The following RBFOX3 variants were observed in gnomAD, a reference collection of about 807,000 sequenced individuals.
RBFOX3 encodes the protein RNA binding fox-1 homolog 3, also known as RNA binding protein fox-1 homolog 3.
RBFOX3 carries 17 observed loss-of-function variants against 48.7 expected under a neutral mutation model. The ratio of observed to expected loss-of-function variants is 0.35; its 90% CI spans 0.24 to 0.52. RBFOX3 has a LOEUF of 0.52. Among genes scored for constraint, RBFOX3 ranks in the 20% least tolerant of loss-of-function variants. The pLI, the probability that RBFOX3 is intolerant of heterozygous loss-of-function variation, is 0.94. For missense variants in RBFOX3, 382 were observed against 497.5 expected, an observed-to-expected ratio of 0.77 and a Z score of 2.21; for synonymous variants, 212 against 209.5, an observed-to-expected ratio of 1.01 and a Z score of -0.10.
the RBFOX3 span, among the ~76,000 whole-genome samples, chr17:79,651,786 C>T: frequency 1.4e-5 from 2 of 142,702 alleles, no homozygotes; most frequent in African/African-American, 5.2e-5. Flanking sequence ...CCTGTCCATC[C>T]TTCTCCCTCT....
In RBFOX3 at chr17:79,194,753, GGTGTGTGTGT is replaced by G. The variant is rs56182116; in HGVS notation, c.-34+41003_-34+41012del. Among the ~76,000 whole-genome samples the G allele has an allele frequency of 7.3e-3, 1,089 of 149,108 alleles. 14 individuals are homozygous for G. The highest frequency in any genetic ancestry group is 0.025 in the African/African-American group (996 of 40,320). On this transcript the variant is annotated intron_variant, in intron 4 of 14. Transcript: ENST00000693108. ...AATTGAGACACTCCCTGTGTGTGTG[GGTGTGTGTGT>G]GTGTGTGTGTGTGTGTGAAATGCAC...
the RBFOX3 span, among the ~76,000 whole-genome samples, chr17:79,633,320 GT>G: frequency 6.6e-6 from 1 of 152,268 alleles, no homozygotes; most frequent in Admixed American, 6.5e-5. Flanking sequence ...GCCACTGTCA[GT>G]GCCAGCGGGC....
At chr17:79,433,386 G>C (rs1367653757) in intron 2 of RBFOX3, among the ~76,000 whole-genome samples, 1 of 152,190 alleles carries the variant, frequency 6.6e-6, no homozygotes, top group Admixed American at 6.5e-5. Context: ...AGGGGGCACT[G>C]TTCCCACTTC....
chr17:79,200,321 C>T (rs1470864353), intron 4 of RBFOX3, among the ~76,000 whole-genome samples: 1 of 152,248 alleles, frequency 6.6e-6, no homozygotes, highest in Non-Finnish European at 1.5e-5. Flanking sequence ...CAGCCACTCC[C>T]AGGGAGTCAG....
chr17:79,505,889 G>A (rs1443514175), intron 1 of RBFOX3, among the ~76,000 whole-genome samples: 1 of 152,206 alleles, frequency 6.6e-6, no homozygotes, highest in Non-Finnish European at 1.5e-5. Flanking sequence ...GGCAACCAAG[G>A]TGGGGTCTGG....
intron 2 of RBFOX3, among the ~76,000 whole-genome samples, chr17:79,399,904 G>A (rs936239693): frequency 2.6e-5 from 4 of 152,196 alleles, no homozygotes; most frequent in African/African-American, 9.7e-5. Flanking sequence ...TCTAACTCCC[G>A]CTCTGGAATC....
At chr17:79,635,717 A>C in the RBFOX3 span, among the ~76,000 whole-genome samples, 1 of 152,248 alleles carries the variant, frequency 6.6e-6, no homozygotes, top group Non-Finnish European at 1.5e-5. Context: ...GATTTCCTTC[A>C]TAAACAAAAA....
At chr17:79,519,645 C>G (rs2085769041) in intron 1 of RBFOX3, among the ~76,000 whole-genome samples, 1 of 152,242 alleles carries the variant, frequency 6.6e-6, no homozygotes, top group African/African-American at 2.4e-5. Context: ...GAGGTCACCC[C>G]TAAGCCCTTG....
intron 4 of RBFOX3, among the ~76,000 whole-genome samples, chr17:79,153,982 A>C (rs1015975034): frequency 1.3e-5 from 2 of 152,146 alleles, no homozygotes; most frequent in Non-Finnish European, 2.9e-5. Context: ...CTCCCACGGC[A>C]GCCAGGGAGA....
At chr17:79,123,713 C>T (rs2147244675) in intron 4 of RBFOX3, among the ~76,000 whole-genome samples, 1 of 152,302 alleles carries the variant, frequency 6.6e-6, no homozygotes, top group South Asian at 2.1e-4. Flanking sequence ...AGATGTCAGC[C>T]TTGCTCTGCA....
At chr17:79,306,254 G>T (rs1001419047) in intron 3 of RBFOX3, among the ~76,000 whole-genome samples, 1 of 152,242 alleles carries the variant, frequency 6.6e-6, no homozygotes, top group African/African-American at 2.4e-5. Flanking sequence ...CGGCAATGGC[G>T]GAAAATAAAC....
chr17:79,168,553 C>G (rs2048490894), intron 4 of RBFOX3, among the ~76,000 whole-genome samples: 1 of 152,174 alleles, frequency 6.6e-6, no homozygotes, highest in African/African-American at 2.4e-5. Context: ...CAGGAGGTGT[C>G]CTCACCCCCA....
At chr17:79,119,274 T>A (rs752309883) in intron 4 of RBFOX3, among the ~76,000 whole-genome samples, 8 of 152,114 alleles carry the variant, frequency 5.3e-5, no homozygotes, top group Non-Finnish European at 1.0e-4. Flanking sequence ...GATGGGGACA[T>A]TTTAGGGACA....
chr17:79,336,443 T>C, intron 2 of RBFOX3, among the ~76,000 whole-genome samples: 1 of 150,968 alleles, frequency 6.6e-6, no homozygotes, highest in Admixed American at 6.6e-5. Flanking sequence ...AAAAAATAAA[T>C]CCCACTGTTC....
intron 2 of RBFOX3, among the ~76,000 whole-genome samples, chr17:79,324,770 C>T (rs536114581): frequency 2.1e-4 from 32 of 152,212 alleles, no homozygotes; most frequent in African/African-American, 7.0e-4. Flanking sequence ...GGCCGAGCAA[C>T]CTGCACCCGT....
intron 2 of RBFOX3, among the ~76,000 whole-genome samples, chr17:79,389,442 CA>C (rs2148141057): frequency 6.6e-6 from 1 of 152,350 alleles, no homozygotes; most frequent in East Asian, 1.9e-4. Flanking sequence ...AGGAACTCTA[CA>C]AGCCAGCTGA....
intron 2 of RBFOX3, among the ~76,000 whole-genome samples, chr17:79,450,130 T>C (rs2073194819): frequency 6.6e-6 from 1 of 152,142 alleles, no homozygotes; most frequent in South Asian, 2.1e-4. Flanking sequence ...AGAAGCCATG[T>C]GTGTGCAGAA....
chr17:79,267,941 T>C (rs750037668), intron 3 of RBFOX3, among the ~76,000 whole-genome samples: 1 of 152,188 alleles, frequency 6.6e-6, no homozygotes, highest in Non-Finnish European at 1.5e-5. Flanking sequence ...CTGGGCTCTA[T>C]CCACACGATT....
chr17:79,232,051 G>A (rs2061099105), intron 4 of RBFOX3, among the ~76,000 whole-genome samples: 2 of 152,130 alleles, frequency 1.3e-5, no homozygotes, highest in Admixed American at 6.6e-5. Context: ...AATACCAGAC[G>A]CTTACAAAAC....
Sources: gnomAD v4.1 joint callset for allele counts (sites outside exome capture counted in the v4.1 genomes callset) on GRCh38, gnomAD v4.1.1 for gene constraint, MANE v1.5 for transcripts, NCBI Gene and HGNC (gene_info 2026-07-23, HGNC 2026-07-21) for gene names.